Variants in KSR1 observed in about 807,000 individuals in gnomAD.
KSR1 encodes kinase suppressor of ras.
In KSR1, 35 loss-of-function variants were observed where a neutral mutation model predicts 92.9. The observed-to-expected ratio is 0.38, with a 90% CI of 0.29 to 0.50. The LOEUF (loss-of-function observed/expected upper bound fraction) is 0.50. Among genes scored for constraint, KSR1 ranks in the 20% least tolerant of loss-of-function variants. The probability of loss-of-function intolerance (pLI) is 0.94; values close to 1 mark genes in which losing one functional copy is unlikely to be tolerated. For synonymous variants in KSR1, 467 were observed against 472.6 expected, an observed-to-expected ratio of 0.99 and a Z score of 0.15; for missense variants, 972 against 1,158.5, an observed-to-expected ratio of 0.84 and a Z score of 2.34.
intron 1 of KSR1, among the ~76,000 whole-genome samples, chr17:27,473,052 T>C (rs1176718481): frequency 1.3e-5 from 2 of 152,208 alleles, no homozygotes; most frequent in Non-Finnish European, 2.9e-5. Context: ...CACAGGTGTA[T>C]GCCACCATGC....
In KSR1 at chr17:27,461,780, A is replaced by G. The variant is rs373501836; in HGVS notation, c.231+4906A>G. Among the ~76,000 whole-genome samples, 31 of 148,308 alleles carry G rather than the reference A, an allele frequency of 2.1e-4. No homozygotes were observed. The Middle Eastern group carries it at 0.01, about 49-fold the overall frequency. On this transcript the variant is annotated intron_variant, in intron 1 of 20. Coordinates refer to ENST00000644974, the MANE Select transcript of KSR1 (RefSeq NM_001394583.1). The stretch of plus-strand genomic sequence containing the variant: ...TGCAGCTATGGGAATGCCTTCTTCC[A>G]CGTCAGGGTTGTTTCCTCTTCTTGG...
rs568859213 is a variant in KSR1, at chr17:27,603,877, C to T, written c.1554C>T (p.Ala518=). 1.4e-5 allele frequency: 22 copies of T among 1,613,884 alleles called. No homozygotes were observed. The highest frequency in any genetic ancestry group is 8.9e-5 in the East Asian group (4 of 44,876). The part of the protein sequence containing the change: ...FAHAAPLPEA[A]DGTRLDDQPK... ...ACGCAGCCCCGCTCCCTGAAGCTGC[C>T]GACGGTACCCGGTAGGCATCCCTAG... is the stretch of plus-strand genomic sequence containing the variant. Residue 518 remains alanine, a synonymous_variant, in exon 12 of 21, where the codon GCC becomes GCT. Transcript: ENST00000644974.
At chr17:27,601,986 C>G (rs1380514697) in intron 11 of KSR1, 1 of 1,545,298 alleles carries the variant, frequency 6.5e-7, no homozygotes, top group Non-Finnish European at 8.8e-7. Context: ...GTCCCTTCTG[C>G]AAAAGTTGTT....
intron 2 of KSR1, among the ~76,000 whole-genome samples, chr17:27,555,358 T>C (rs1182964628): frequency 6.6e-6 from 1 of 152,242 alleles, no homozygotes; most frequent in Admixed American, 6.5e-5. Flanking sequence ...TATATCAGTA[T>C]AGGCTCATGT....
intron 1 of KSR1, among the ~76,000 whole-genome samples, chr17:27,504,828 T>C (rs2069318568): frequency 6.6e-6 from 1 of 152,152 alleles, no homozygotes; most frequent in Admixed American, 6.5e-5. Flanking sequence ...AGAATAATGA[T>C]TTAGTGCCAG....
chr17:27,463,362 G>A (rs1220192495), intron 1 of KSR1, among the ~76,000 whole-genome samples: 1 of 151,776 alleles, frequency 6.6e-6, no homozygotes, highest in African/African-American at 2.4e-5. Flanking sequence ...TAGAAAATTA[G>A]CCATGCATGG....
intron 1 of KSR1, among the ~76,000 whole-genome samples, chr17:27,498,897 A>G (rs893539179): frequency 6.6e-6 from 1 of 152,214 alleles, no homozygotes; most frequent in African/African-American, 2.4e-5. Flanking sequence ...AGGAAGAAGC[A>G]AAGGGCGGCA....
At chr17:27,506,343 T>C (rs1381877509) in intron 1 of KSR1, among the ~76,000 whole-genome samples, 11 of 152,236 alleles carry the variant, frequency 7.2e-5, no homozygotes, top group Admixed American at 7.2e-4. Flanking sequence ...CCCTAACTCA[T>C]GACTCCACTG....
intron 9 of KSR1, among the ~76,000 whole-genome samples, chr17:27,594,534 TCCTGCGTGCA>T (rs2073276833): frequency 6.6e-6 from 1 of 151,990 alleles, no homozygotes; most frequent in Non-Finnish European, 1.5e-5. Flanking sequence ...CATGAGCCCC[TCCTGCGTGCA>T]CCTGCTCGAC....
At chr17:27,527,462 G>A (rs2070358439) in intron 1 of KSR1, among the ~76,000 whole-genome samples, 1 of 127,276 alleles carries the variant, frequency 7.9e-6, no homozygotes, top group East Asian at 2.3e-4. Flanking sequence ...GAGTGCAATG[G>A]CGTGATCTTG....
intron 1 of KSR1, among the ~76,000 whole-genome samples, chr17:27,488,860 A>G (rs978495747): frequency 7.9e-5 from 12 of 152,196 alleles, no homozygotes; most frequent in Non-Finnish European, 1.5e-4. Context: ...GCTACTCGGG[A>G]GGCTGAGGCA....
intron 6 of KSR1, among the ~76,000 whole-genome samples, chr17:27,589,468 A>G (rs2151186994): frequency 6.6e-6 from 1 of 152,124 alleles, no homozygotes; most frequent in East Asian, 1.9e-4. Context: ...TGGGAACATC[A>G]CCTGACCTCT....
intron 1 of KSR1, among the ~76,000 whole-genome samples, chr17:27,482,944 T>C (rs969813440): frequency 6.6e-6 from 1 of 152,080 alleles, no homozygotes; most frequent in Non-Finnish European, 1.5e-5. Flanking sequence ...AATCATGTCA[T>C]CCACAAAAAA....
chr17:27,456,904 G>C (rs1296044900), intron 1 of KSR1, 30 bp downstream of exon 1: 2 of 792,652 alleles, frequency 2.5e-6, no homozygotes, highest in East Asian at 2.4e-5. Context: ...GGCTGGGCTC[G>C]AGGAGCGGGC....
intron 1 of KSR1, among the ~76,000 whole-genome samples, chr17:27,520,818 C>A (rs1168127473): frequency 6.6e-6 from 1 of 152,242 alleles, no homozygotes; most frequent in Admixed American, 6.5e-5. Context: ...TCCCCCTTAC[C>A]CATTTGTCCC....
Position 27,623,389 on chromosome 17 carries a change from G to A in KSR1, c.2784G>A (p.Met928Ile). 1.3e-6 allele frequency: 1 copy of A among 764,546 alleles called. No homozygotes were observed. The highest frequency in any genetic ancestry group is 1.3e-5 in the South Asian group (1 of 74,366). 47.4% of individuals were successfully genotyped at this position (764,546 alleles called of 1,614,324 possible). A position where few individuals can be genotyped will look rare whatever the true frequency, so the allele number is the denominator to read the frequency against. Reference sequence around the variant, plus strand: ...TCCTGGAGTCCAGTAATCCAAAGATGTAGCCAGCCATATGGTTTTTCGCTG... The same window carrying A: ...TCCTGGAGTCCAGTAATCCAAAGATATAGCCAGCCATATGGTTTTTCGCTG... ...LGVLESSNPK[M>I] The change falls in exon 21 of 21, where the codon ATG (methionine) becomes ATA (isoleucine). Residue 928 changes from methionine to isoleucine, a missense_variant. Around this residue, in one of 5 missense-constraint regions of KSR1, gnomAD observed 46 missense variants for 39.0 expected, o/e 1.18. Transcript: ENST00000644974.
At chr17:27,594,979 G>A (rs1369649545) in intron 9 of KSR1, among the ~76,000 whole-genome samples, 1 of 152,192 alleles carries the variant, frequency 6.6e-6, no homozygotes, top group East Asian at 1.9e-4. Flanking sequence ...AGGGTCCTGA[G>A]CCTTGGAGCA....
intron 1 of KSR1, among the ~76,000 whole-genome samples, chr17:27,494,130 C>T: frequency 6.6e-6 from 1 of 151,930 alleles, no homozygotes; most frequent in East Asian, 1.9e-4. Context: ...CCTTCTCCCA[C>T]TCCGCTGTCT....
chr17:27,487,543 G>T (rs1182468290), intron 1 of KSR1, among the ~76,000 whole-genome samples: 2 of 150,234 alleles, frequency 1.3e-5, no homozygotes, highest in African/African-American at 2.5e-5. Flanking sequence ...GAGGCCAGGA[G>T]TTCGAGACCA....
Sources: allele counts gnomAD v4.1 joint callset (sites outside exome capture counted in the v4.1 genomes callset), GRCh38; gene constraint gnomAD v4.1.1; regional missense constraint gnomAD v4.1.1; transcripts MANE v1.5; gene names NCBI Gene and HGNC (gene_info 2026-07-23, HGNC 2026-07-21).